The following CDYL2 variants were observed in gnomAD, a reference collection of about 807,000 sequenced individuals.
CDYL2 encodes the protein chromodomain Y like 2.
CDYL2 carries 23 observed loss-of-function variants against 49.4 expected under a neutral mutation model. The ratio of observed to expected loss-of-function variants is 0.47; its 90% confidence interval spans 0.34 to 0.66. The LOEUF (loss-of-function observed/expected upper bound fraction) is 0.66. CDYL2 is among the 30% of genes least tolerant of loss of function. CDYL2 has a pLI of 0.01. For synonymous variants in CDYL2, 360 were observed against 268.8 expected (o/e 1.34, Z -3.32); for missense variants, 678 against 656.4 (o/e 1.03, Z -0.36).
chr16:80,679,841 T>G (rs142691308), intron 2 of CDYL2: 1 of 452,354 alleles, frequency 2.2e-6, no homozygotes, highest in African/African-American at 2.0e-5. Context: ...TAGCAGCATC[T>G]AGGAACTTCT....
At chr16:80,712,855 C>T (rs1453927029) in intron 1 of CDYL2, among the ~76,000 whole-genome samples, 2 of 152,088 alleles carry the variant, frequency 1.3e-5, no homozygotes, top group Non-Finnish European at 2.9e-5. Context: ...ATTTTATATC[C>T]CCTGGGTGTT....
intron 3 of CDYL2, among the ~76,000 whole-genome samples, chr16:80,625,692 A>G (rs1000233316): frequency 5.3e-5 from 8 of 152,208 alleles, no homozygotes; most frequent in African/African-American, 1.9e-4. Flanking sequence ...GACAAAGCAA[A>G]ACCTTAAATA....
intron 1 of CDYL2, among the ~76,000 whole-genome samples, chr16:80,767,373 G>A (rs1906762335): frequency 6.6e-6 from 1 of 152,082 alleles, no homozygotes; most frequent in African/African-American, 2.4e-5. Context: ...AATTTCTCAG[G>A]GAAGGAGAGC....
At position 80,702,960 on chromosome 16, in the gene CDYL2, C is replaced by A. The variant is rs117021728; in HGVS notation, c.25-17831G>T. Among the ~76,000 whole-genome samples the A allele has an allele frequency of 5.6e-3, 846 of 152,198 alleles. 5 individuals carry two copies. Among genetic ancestry groups the A allele is most frequent in the Non-Finnish European group, 7.8e-3 (530 of 68,010 alleles). ...ATAATCAGTTGTTATTGCTTTAAGC[C>A]ACTAAGTCCATAACTGATATAACTT... On this transcript the variant is annotated intron_variant, in intron 1 of 6. Coordinates refer to ENST00000570137, the MANE Select transcript of CDYL2 (RefSeq NM_152342.4).
At chr16:80,721,859 G>A (rs187519675) in intron 1 of CDYL2, among the ~76,000 whole-genome samples, 2 of 152,172 alleles carry the variant, frequency 1.3e-5, no homozygotes, top group Admixed American at 1.3e-4. Flanking sequence ...CCTTTGCCCT[G>A]TCCACCTCTC....
intron 4 of CDYL2, among the ~76,000 whole-genome samples, chr16:80,614,838 T>C (rs1906755882): frequency 7.6e-6 from 1 of 132,438 alleles, no homozygotes; most frequent in Non-Finnish European, 1.5e-5. Context: ...CATTCCAGCC[T>C]GGGAAACAGA....
intron 3 of CDYL2, among the ~76,000 whole-genome samples, chr16:80,626,909 G>C (rs7187578): frequency 0.089 from 13,614 of 152,208 alleles, 1,920 homozygotes; most frequent in African/African-American, 0.3. Flanking sequence ...AACCTTGCAA[G>C]TGACACCATG....
intron 1 of CDYL2, among the ~76,000 whole-genome samples, chr16:80,707,862 G>A (rs1221046056): frequency 5.9e-5 from 9 of 152,170 alleles, no homozygotes; most frequent in Admixed American, 1.3e-4. Context: ...TTTCATCACT[G>A]TACACTGGGA....
intron 1 of CDYL2, among the ~76,000 whole-genome samples, chr16:80,801,022 G>A (rs560255345): frequency 4.5e-4 from 68 of 152,286 alleles, no homozygotes; most frequent in South Asian, 6.2e-4. Context: ...TGTTCAAATC[G>A]TTTTTCTTAT....
chr16:80,720,901 C>G (rs1245280100), intron 1 of CDYL2, among the ~76,000 whole-genome samples: 1 of 152,138 alleles, frequency 6.6e-6, no homozygotes, highest in East Asian at 1.9e-4. Context: ...TTTAGAGTCA[C>G]AAGTGGGGTA....
intron 1 of CDYL2, among the ~76,000 whole-genome samples, chr16:80,766,796 A>G (rs1906742100): frequency 6.6e-6 from 1 of 152,230 alleles, no homozygotes; most frequent in South Asian, 2.1e-4. Context: ...CACAAAATGG[A>G]GAGTAGCATT....
intron 1 of CDYL2, among the ~76,000 whole-genome samples, chr16:80,795,171 G>A (rs1171307756): frequency 2.0e-5 from 3 of 152,170 alleles, no homozygotes; most frequent in Non-Finnish European, 2.9e-5. Context: ...AGAATTTGAG[G>A]GGAGGGCAGT....
intron 1 of CDYL2, among the ~76,000 whole-genome samples, chr16:80,760,610 C>G (rs1906493780): frequency 6.6e-6 from 1 of 151,996 alleles, no homozygotes; most frequent in Non-Finnish European, 1.5e-5. Context: ...AATATATGCA[C>G]CTACTATGTC....
At chr16:80,803,482 C>A (rs1465632856) in intron 1 of CDYL2, among the ~76,000 whole-genome samples, 1 of 152,096 alleles carries the variant, frequency 6.6e-6, no homozygotes, top group Non-Finnish European at 1.5e-5. Flanking sequence ...GCCACCCCCA[C>A]GCCCGAGCCC....
At chr16:80,765,133 A>G (rs937095771) in intron 1 of CDYL2, among the ~76,000 whole-genome samples, 6 of 146,192 alleles carry the variant, frequency 4.1e-5, no homozygotes, top group South Asian at 2.1e-4. Flanking sequence ...ATAGTACTAT[A>G]TAATATATAG....
intron 2 of CDYL2, among the ~76,000 whole-genome samples, chr16:80,645,871 A>T (rs1482796381): frequency 6.6e-6 from 1 of 151,650 alleles, no homozygotes; most frequent in Non-Finnish European, 1.5e-5. Flanking sequence ...CATTCTCAGC[A>T]AACTATCTCA....
chr16:80,685,144 G>A lies in CDYL2; in HGVS notation c.25-15C>T. On this transcript the variant is annotated splice_polypyrimidine_tract_variant and intron_variant, in intron 1 of 6. Transcript: ENST00000570137. ...ATCCTTTCAACCTGCGATACAAGAT[G>A]AGAGGGTCAGAAAACAGAGAGAGAG... 1 of 1,583,352 alleles carries A rather than the reference G, an allele frequency of 6.3e-7. No individual in the cohort carries two copies. Among genetic ancestry groups the A allele is most frequent in the Non-Finnish European group, 8.6e-7 (1 of 1,159,624 alleles).
At chr16:80,709,018 C>T (rs975562455) in intron 1 of CDYL2, among the ~76,000 whole-genome samples, 1 of 152,188 alleles carries the variant, frequency 6.6e-6, no homozygotes, top group East Asian at 1.9e-4. Context: ...TGAACAGAAG[C>T]GTAAGGCGCC....
chr16:80,617,602 G>C (rs1474069796), intron 4 of CDYL2, among the ~76,000 whole-genome samples: 1 of 152,134 alleles, frequency 6.6e-6, no homozygotes, highest in Non-Finnish European at 1.5e-5. Flanking sequence ...CCCGAGTTGG[G>C]AGAGCTGGAG....
Sources: allele counts gnomAD v4.1 joint callset (sites outside exome capture counted in the v4.1 genomes callset), GRCh38; gene constraint gnomAD v4.1.1; transcripts MANE v1.5; gene names NCBI Gene and HGNC (gene_info 2026-07-23, HGNC 2026-07-21).